Variants in MAPKAP1 observed in about 807,000 individuals in gnomAD.
MAPKAP1 encodes target of rapamycin complex 2 subunit MAPKAP1.
A neutral mutation model predicts 65.7 loss-of-function variants in MAPKAP1; 20 were observed. The ratio of observed to expected loss-of-function variants is 0.30; its 90% CI spans 0.21 to 0.44. The LOEUF (loss-of-function observed/expected upper bound fraction) is 0.44. Ranked by LOEUF, MAPKAP1 falls within the 20% of genes least tolerant of loss-of-function variation. MAPKAP1 has a pLI of 1.00. For synonymous variants in MAPKAP1, 222 were observed against 244.3 expected, an observed-to-expected ratio of 0.91 and a Z score of 0.85; for missense variants, 423 against 648.0, an observed-to-expected ratio of 0.65 and a Z score of 3.77.
Position 125,595,903 on chromosome 9 carries a change from G to C in MAPKAP1, c.499-10176C>G. 1 of 1,246,826 alleles carries C rather than the reference G, an allele frequency of 8.0e-7. No homozygotes were observed. Among genetic ancestry groups the C allele is most frequent in the Non-Finnish European group, 1.2e-6 (1 of 860,288 alleles). The allele number at this position is 1,246,826 out of a possible 1,614,324, so 77.2% of individuals were successfully genotyped here. A position where few individuals can be genotyped will look rare whatever the true frequency, so the allele number is the denominator to read the frequency against. ...CCATGAATGCAAGGCCACACAAGGT[G>C]GATCGGAGTTGTGGAACCAAAGAGA... On this transcript the variant is annotated intron_variant, in intron 4 of 11. Transcript: ENST00000265960. This position sits in a 1 kb window ranked among gnomAD's most constrained non-coding sequence, Gnocchi z 4.0.
intron 11 of MAPKAP1, among the ~76,000 whole-genome samples, chr9:125,441,936 T>C (rs1366521588): frequency 6.6e-6 from 1 of 152,000 alleles, no homozygotes; most frequent in Non-Finnish European, 1.5e-5. Flanking sequence ...GAGACCAGCC[T>C]GGCCAATGGT....
In MAPKAP1 at chr9:125,447,634, T is replaced by C. The variant is rs891997223; in HGVS notation, c.1346-3036A>G. 20 of 391,164 alleles carry C rather than the reference T, an allele frequency of 5.1e-5. No individual in the cohort carries two copies. Among genetic ancestry groups the C allele is most frequent in the South Asian group, 3.7e-4 (20 of 53,356 alleles). The allele number at this position is 391,164 out of a possible 1,614,324, so 24.2% of individuals were successfully genotyped here. A position where few individuals can be genotyped will look rare whatever the true frequency, so the allele number is the denominator to read the frequency against. ...GCCAGAAGGGCAGTTTTCCTCAGTC[T>C]GGGCTCTGCCAGGAGCATGGGCTAG... On this transcript the variant is annotated intron_variant, in intron 10 of 11. Coordinates refer to ENST00000265960, the MANE Select transcript of MAPKAP1 (RefSeq NM_001006617.3). The surrounding 1 kb of genome is among the most constrained non-coding windows in gnomAD (Gnocchi z 4.5).
chr9:125,438,434 C>T lies in MAPKAP1; in HGVS notation c.*453G>A, dbSNP rs1191151789. ...TTTTAAAGAGAGTAACATAATCAAT[C>T]CTCCGCCCCAAAGAATGGTCCATCA... On this transcript the variant is annotated 3_prime_UTR_variant, in exon 12 of 12. Coordinates refer to ENST00000265960, the MANE Select transcript of MAPKAP1 (RefSeq NM_001006617.3). 2.3e-5 allele frequency: 9 copies of T among 399,736 alleles called. No homozygotes were observed. The highest frequency in any genetic ancestry group is 3.5e-5 in the Non-Finnish European group (8 of 226,644). The allele number at this position is 399,736 out of a possible 1,614,324, so 24.8% of individuals were successfully genotyped here.
At chr9:125,513,356 T>C (rs1262378461) in intron 7 of MAPKAP1, 1 of 152,144 alleles carries the variant, frequency 6.6e-6, no homozygotes, top group East Asian at 1.9e-4. Context: ...AGTCAAAAGC[T>C]GAACACTTTC....
chr9:125,659,171 T>A (rs182677402), intron 3 of MAPKAP1, among the ~76,000 whole-genome samples: 38 of 152,316 alleles, frequency 2.5e-4, no homozygotes, highest in East Asian at 1.2e-3. Context: ...ATGCTTACAA[T>A]TGGGAAAGAA....
chr9:125,653,351 T>C (rs1312707774), intron 4 of MAPKAP1, among the ~76,000 whole-genome samples: 1 of 152,176 alleles, frequency 6.6e-6, no homozygotes. Flanking sequence ...TTATATTAAG[T>C]TTGACGAAAA....
At chr9:125,509,585 G>A (rs768005731) in intron 7 of MAPKAP1, among the ~76,000 whole-genome samples, 2 of 152,120 alleles carry the variant, frequency 1.3e-5, no homozygotes, top group African/African-American at 4.8e-5. Context: ...AAGCAGACAC[G>A]ATCTGTTTAT....
At position 125,693,664 on chromosome 9, in the gene MAPKAP1, C is replaced by CATATATACACGTAT. The variant is rs1564620090; in HGVS notation, c.-70+13306_-70+13307insATACGTGTATATAT. Among the ~76,000 whole-genome samples, 9 of 124,608 alleles carry CATATATACACGTAT rather than the reference C, an allele frequency of 7.2e-5. 1 individual carries two copies. Among genetic ancestry groups the CATATATACACGTAT allele is most frequent in the African/African-American group, 4.0e-4 (9 of 22,302 alleles). The allele number at this position is 124,608 out of a possible 152,430, so 81.7% of individuals were successfully genotyped here. Reference sequence around the variant, plus strand: ...ACACATATACACGTATACATACACACACATATACACGTATATATACACGTA... The same window carrying CATATATACACGTAT: ...ACACATATACACGTATACATACACACATATATACACGTATACATATACACGTATATATACACGTA... On this transcript the variant is annotated intron_variant, in intron 1 of 11. Transcript: ENST00000265960.
intron 7 of MAPKAP1, among the ~76,000 whole-genome samples, chr9:125,533,704 C>G (rs1308814200): frequency 6.6e-6 from 1 of 152,202 alleles, no homozygotes. Flanking sequence ...CTGCCTTAGC[C>G]TCTCAAAGTG....
At chr9:125,622,063 A>C (rs986700798) in intron 4 of MAPKAP1, among the ~76,000 whole-genome samples, 1 of 152,202 alleles carries the variant, frequency 6.6e-6, no homozygotes, top group Non-Finnish European at 1.5e-5. Flanking sequence ...GTTCTCACTC[A>C]TATGTGGGAG....
intron 4 of MAPKAP1, among the ~76,000 whole-genome samples, chr9:125,638,151 T>C (rs1325169570): frequency 1.3e-5 from 2 of 152,172 alleles, no homozygotes; most frequent in African/African-American, 2.4e-5. Context: ...AGGGCTCTGA[T>C]TGTCAAGTGG....
At chr9:125,580,864 G>A (rs975912041) in intron 5 of MAPKAP1, among the ~76,000 whole-genome samples, 4 of 152,116 alleles carry the variant, frequency 2.6e-5, no homozygotes, top group Admixed American at 2.0e-4. Context: ...TTTATAGTTG[G>A]ACTGCCTCCC....
chr9:125,482,896 G>A (rs1288983971), intron 9 of MAPKAP1, among the ~76,000 whole-genome samples: 2 of 152,146 alleles, frequency 1.3e-5, no homozygotes, highest in African/African-American at 2.4e-5. Flanking sequence ...CTTGCTAGAG[G>A]CCAGGTGCCT....
intron 7 of MAPKAP1, among the ~76,000 whole-genome samples, chr9:125,513,497 C>T (rs1013312829): frequency 6.6e-6 from 1 of 152,220 alleles, no homozygotes; most frequent in African/African-American, 2.4e-5. Flanking sequence ...TTGAGCAGAA[C>T]ATCCCTGGTG....
chr9:125,626,355 C>T (rs1833118811), intron 4 of MAPKAP1, among the ~76,000 whole-genome samples: 1 of 152,228 alleles, frequency 6.6e-6, no homozygotes, highest in African/African-American at 2.4e-5. Context: ...TCTGGGGGCT[C>T]TAGCTCCCTC....
At chr9:125,692,515 T>C (rs1185231184) in intron 1 of MAPKAP1, among the ~76,000 whole-genome samples, 1 of 152,214 alleles carries the variant, frequency 6.6e-6, no homozygotes, top group Non-Finnish European at 1.5e-5. Context: ...GAGTGACTAT[T>C]AATGAATATG....
chr9:125,653,147 G>C (rs1269954491), intron 4 of MAPKAP1, among the ~76,000 whole-genome samples: 1 of 152,202 alleles, frequency 6.6e-6, no homozygotes, highest in Non-Finnish European at 1.5e-5. Context: ...TTCTTTCACA[G>C]ATCAGGACTG....
At chr9:125,621,035 G>A (rs992160562) in intron 4 of MAPKAP1, among the ~76,000 whole-genome samples, 2 of 152,124 alleles carry the variant, frequency 1.3e-5, no homozygotes, top group African/African-American at 2.4e-5. Flanking sequence ...ACTTTGGGAG[G>A]CTGAGGTGGG....
intron 4 of MAPKAP1, among the ~76,000 whole-genome samples, chr9:125,655,090 G>A (rs1833992628): frequency 6.6e-6 from 1 of 152,074 alleles, no homozygotes; most frequent in Non-Finnish European, 1.5e-5. Flanking sequence ...TATTTTAGAG[G>A]CTTTAACAAA....
Sources: allele counts gnomAD v4.1 joint callset (sites outside exome capture counted in the v4.1 genomes callset), GRCh38; gene constraint gnomAD v4.1.1; non-coding constraint Gnocchi (gnomAD v3.1); transcripts MANE v1.5; gene names NCBI Gene and HGNC (gene_info 2026-07-23, HGNC 2026-07-21).